Variants in PPM1L observed in about 807,000 individuals in gnomAD.
PPM1L encodes the protein protein phosphatase, Mg2+/Mn2+ dependent 1L.
In PPM1L, 13 loss-of-function variants were observed where a neutral mutation model predicts 31.4. The ratio of observed to expected loss-of-function variants is 0.41; its 90% CI spans 0.27 to 0.66. The LOEUF is 0.66. Ranked by LOEUF, PPM1L falls within the 30% of genes least tolerant of loss-of-function variation. The probability of loss-of-function intolerance (pLI) is 0.29; values close to 1 mark genes in which losing one functional copy is unlikely to be tolerated. For synonymous variants in PPM1L, 184 were observed against 175.4 expected (o/e 1.05, Z -0.39); for missense variants, 326 against 453.7 (o/e 0.72, Z 2.56).
At chr3:160,877,520 A>C (rs797018738) in intron 1 of PPM1L, among the ~76,000 whole-genome samples, 4 of 147,212 alleles carry the variant, frequency 2.7e-5, no homozygotes, top group African/African-American at 1.0e-4. Flanking sequence ...TGTCTGGTGT[A>C]AATACCTGAG....
intron 1 of PPM1L, among the ~76,000 whole-genome samples, chr3:160,827,753 A>C (rs2108095292): frequency 6.6e-6 from 1 of 152,204 alleles, no homozygotes; most frequent in African/African-American, 2.4e-5. Flanking sequence ...GTCAGTGGGT[A>C]TATTAGGCCA....
rs575525471 is a variant in PPM1L at position 160,855,848 on chromosome 3, T to G, written c.399+99141T>G. Among the ~76,000 whole-genome samples the G allele has an allele frequency of 3.3e-5, 5 of 152,272 alleles. No individual in the cohort carries two copies. The East Asian group carries it at 9.7e-4, about 29-fold the overall frequency. On this transcript the variant is annotated intron_variant, in intron 1 of 3. Coordinates refer to ENST00000498165, the MANE Select transcript of PPM1L (RefSeq NM_139245.4). ...ACAGAACTCCCATTCGACCCAGCAA[T>G]TCCATTATTAGGTTGTATTAGGGTT...
At chr3:160,850,215 A>G (rs1264490001) in intron 1 of PPM1L, among the ~76,000 whole-genome samples, 1 of 152,178 alleles carries the variant, frequency 6.6e-6, no homozygotes, top group African/African-American at 2.4e-5. Context: ...TTTAATACAA[A>G]GGATACAACC....
At chr3:160,865,088 A>G (rs1576677719) in intron 1 of PPM1L, among the ~76,000 whole-genome samples, 1 of 152,186 alleles carries the variant, frequency 6.6e-6, no homozygotes, top group Non-Finnish European at 1.5e-5. Context: ...ATTCGTTTCT[A>G]ATGTATCCAG....
chr3:160,954,488 G>C (rs34168351), intron 1 of PPM1L, among the ~76,000 whole-genome samples: 55,493 of 151,772 alleles, frequency 0.37, 12,696 homozygotes, highest in Non-Finnish European at 0.52. Context: ...TCAGCCTCCT[G>C]AGTAGCTGGG....
intron 2 of PPM1L, among the ~76,000 whole-genome samples, chr3:160,967,355 G>A (rs531131321): frequency 6.6e-6 from 1 of 151,920 alleles, no homozygotes; most frequent in Non-Finnish European, 1.5e-5. Context: ...CCATAGACTG[G>A]GTGGCTGATA....
At chr3:160,852,453 C>T (rs945354661) in intron 1 of PPM1L, among the ~76,000 whole-genome samples, 7 of 152,130 alleles carry the variant, frequency 4.6e-5, no homozygotes, top group Non-Finnish European at 8.8e-5. Context: ...AGAGAGCTTT[C>T]CCCCTTTTTA....
chr3:160,918,950 C>T (rs998963875), intron 1 of PPM1L, among the ~76,000 whole-genome samples: 1 of 152,024 alleles, frequency 6.6e-6, no homozygotes, highest in Non-Finnish European at 1.5e-5. Context: ...TACAATGATA[C>T]ATACAAATGA....
intron 1 of PPM1L, among the ~76,000 whole-genome samples, chr3:160,944,574 T>G (rs968388988): frequency 1.8e-4 from 27 of 149,068 alleles, no homozygotes; most frequent in Middle Eastern, 3.4e-3. Context: ...TCTGGAGTGT[T>G]AGAATTTTTA....
At chr3:160,786,151 C>CTGTGTGTG (rs1318787874) in intron 1 of PPM1L, among the ~76,000 whole-genome samples, 31 of 85,674 alleles carry the variant, frequency 3.6e-4, no homozygotes, top group African/African-American at 1.3e-3. Context: ...CTCTCTCTCT[C>CTGTGTGTG]TCTCTCTGTG....
At chr3:160,868,958 G>A (rs1712198681) in intron 1 of PPM1L, among the ~76,000 whole-genome samples, 1 of 152,112 alleles carries the variant, frequency 6.6e-6, no homozygotes, top group Admixed American at 6.5e-5. Flanking sequence ...TTCAAGGTCT[G>A]GCTCCTCATT....
chr3:161,077,829 G>A lies in PPM1L; in HGVS notation c.*8672G>A, dbSNP rs529741077. On this transcript the variant is annotated 3_prime_UTR_variant, in exon 4 of 4. Transcript: ENST00000498165. ...CAACATCTGTTTTCTGTATGGCAAA[G>A]AAAAACTAAATCCCAGACTTTTATT... 4 of 152,222 alleles carry A rather than the reference G, an allele frequency of 2.6e-5. No individual in the cohort carries two copies. In the South Asian group the frequency reaches 8.3e-4, roughly 32 times the overall value. The allele number at this position is 152,222 out of a possible 1,614,324, so 9.4% of individuals were successfully genotyped here. A position where few individuals can be genotyped will look rare whatever the true frequency, so the allele number is the denominator to read the frequency against.
chr3:160,857,806 A>G (rs71314023), intron 1 of PPM1L, among the ~76,000 whole-genome samples: 5,521 of 152,322 alleles, frequency 0.036, 127 homozygotes, highest in African/African-American at 0.044. Context: ...TCTCTAGCCC[A>G]CATTCCCCAG....
intron 1 of PPM1L, among the ~76,000 whole-genome samples, chr3:160,882,808 CTAG>C (rs1712771621): frequency 6.6e-6 from 1 of 152,216 alleles, no homozygotes; most frequent in Non-Finnish European, 1.5e-5. Context: ...ACAACTTTAA[CTAG>C]TCTAAAAATG....
intron 1 of PPM1L, among the ~76,000 whole-genome samples, chr3:160,954,921 TTCTTTCC>T (rs1715701984): frequency 2.9e-4 from 33 of 114,468 alleles, no homozygotes; most frequent in East Asian, 9.9e-4. Flanking sequence ...CCTTCCTTCC[TTCTTTCC>T]TTCCTTCCTT....
chr3:161,009,535 C>T (rs1717820705), intron 2 of PPM1L, among the ~76,000 whole-genome samples: 2 of 152,088 alleles, frequency 1.3e-5, no homozygotes, highest in Non-Finnish European at 2.9e-5. Context: ...CCTAACCTTC[C>T]TTTTCATTCA....
At chr3:160,834,485 G>C (rs1180853277) in intron 1 of PPM1L, among the ~76,000 whole-genome samples, 1 of 139,422 alleles carries the variant, frequency 7.2e-6, no homozygotes, top group African/African-American at 2.6e-5. Flanking sequence ...GTGTGTGTGT[G>C]TGTGTGTGTG....
chr3:160,759,129 C>G (rs955618097), intron 1 of PPM1L, among the ~76,000 whole-genome samples: 4 of 152,168 alleles, frequency 2.6e-5, no homozygotes, highest in African/African-American at 7.2e-5. Context: ...CTTTAACATT[C>G]ACCAGAGGAG....
chr3:160,865,027 T>C (rs1199137017), intron 1 of PPM1L, among the ~76,000 whole-genome samples: 1 of 152,080 alleles, frequency 6.6e-6, no homozygotes. Flanking sequence ...CAAGAAATGG[T>C]TTTTGAAAAA....
Sources: allele counts gnomAD v4.1 joint callset (sites outside exome capture counted in the v4.1 genomes callset), GRCh38; gene constraint gnomAD v4.1.1; transcripts MANE v1.5; gene names NCBI Gene and HGNC (gene_info 2026-07-23, HGNC 2026-07-21).